GTF3C1: variants seen among roughly 807,000 people sequenced by gnomAD.
The protein encoded by GTF3C1 is general transcription factor 3C polypeptide 1.
GTF3C1 carries 57 observed loss-of-function variants against 226.7 expected under a neutral mutation model. The ratio of observed to expected loss-of-function variants is 0.25; its 90% CI spans 0.20 to 0.31. The LOEUF (loss-of-function observed/expected upper bound fraction) is 0.31, where lower values mean the gene tolerates loss of function less well. Ranked by LOEUF, GTF3C1 falls within the 10% of genes least tolerant of loss-of-function variation. The pLI is 1.00. For missense variants in GTF3C1, 2,217 were observed against 2,776.1 expected (o/e 0.80, Z 4.53); for synonymous variants, 1,090 against 1,084.8 (o/e 1.00, Z -0.09).
chr16:27,504,000 A>G (rs2088447335), intron 10 of GTF3C1, among the ~76,000 whole-genome samples: 1 of 152,230 alleles, frequency 6.6e-6, no homozygotes, highest in South Asian at 2.1e-4. Context: ...CAAAGATTCA[A>G]GAAGAGTCCC....
chr16:27,523,770 C>T (rs1410133463), intron 6 of GTF3C1, among the ~76,000 whole-genome samples: 2 of 152,116 alleles, frequency 1.3e-5, no homozygotes, highest in Non-Finnish European at 2.9e-5. Flanking sequence ...TGGGCTACGG[C>T]GTGCCATGGA....
At position 27,506,023 on chromosome 16, in the gene GTF3C1, C is replaced by G. The variant is rs763915182; in HGVS notation, c.1646G>C (p.Ser549Thr). 6.2e-7 allele frequency: 1 copy of G among 1,613,312 alleles called. No individual in the cohort carries two copies. The highest frequency in any genetic ancestry group is 8.5e-7 in the Non-Finnish European group (1 of 1,179,186). The change falls in exon 10 of 37, where the codon AGC becomes ACC. Residue 549 changes from serine to threonine, a missense_variant. Physicochemically the swap from Ser to Thr is moderately conservative, Grantham distance 58 (BLOSUM62 1). Transcript: ENST00000356183. Reference protein sequence around the residue: ...AEERACQSLASRDSLLDTSSV... With the variant: ...AEERACQSLATRDSLLDTSSV... Reference sequence around the variant, plus strand: ...GCTGGTATCTAAGAGGCTGTCCCTGCTGGCAAGGCTCTGGCAGGCTCTCTC... The same window carrying G: ...GCTGGTATCTAAGAGGCTGTCCCTGGTGGCAAGGCTCTGGCAGGCTCTCTC...
intron 32 of GTF3C1, 171 bp from the exon 33 acceptor site, chr16:27,465,711 C>T (rs957511487): frequency 1.6e-6 from 1 of 609,814 alleles, no homozygotes; most frequent in African/African-American, 1.8e-5. Context: ...CAGTCAGGCT[C>T]CTGATCCGTG....
At chr16:27,480,604 G>C (rs1020730926) in intron 27 of GTF3C1, 1 of 156,848 alleles carries the variant, frequency 6.4e-6, no homozygotes. Flanking sequence ...TGGAGAAAAG[G>C]GATCTACATT....
At position 27,494,936 on chromosome 16, in the gene GTF3C1, G is replaced by C. The variant is rs182315281; in HGVS notation, c.2633-28C>G. On this transcript the variant is annotated intron_variant, in intron 15 of 36. Coordinates refer to ENST00000356183, the MANE Select transcript of GTF3C1 (RefSeq NM_001520.4). ...AGGAAAAAAACGCACGGTTACCCCC[G>C]GCAGCCAGGATACCAGTCACCATGG... 7,529 of 1,603,680 alleles carry C rather than the reference G, an allele frequency of 4.7e-3. 32 individuals carry two copies. The highest frequency in any genetic ancestry group is 5.6e-3 in the Non-Finnish European group (6,605 of 1,172,506).
intron 12 of GTF3C1, among the ~76,000 whole-genome samples, chr16:27,500,046 T>G (rs2088382511): frequency 6.6e-6 from 1 of 152,144 alleles, no homozygotes; most frequent in African/African-American, 2.4e-5. Context: ...GCTGCCCCCA[T>G]CCCTCGCCCA....
intron 15 of GTF3C1, 75 bp downstream of exon 15, chr16:27,495,136 A>T: frequency 8.9e-7 from 1 of 1,126,820 alleles, no homozygotes; most frequent in Middle Eastern, 2.9e-4. Context: ...AAGGAAAAGG[A>T]ACTATCATGT....
At position 27,461,608 on chromosome 16, in the gene GTF3C1, G is replaced by A. The variant is rs751299120; in HGVS notation, c.6118-46C>T. ...GGTTACAGCGGCACTGCCCTCGCCT[G>A]CTTGTTGATTTATTCTTCAAGCATT... On this transcript the variant is annotated intron_variant, in intron 36 of 36. Coordinates refer to ENST00000356183, the MANE Select transcript of GTF3C1 (RefSeq NM_001520.4). The surrounding 1 kb of genome is among the most constrained non-coding windows in gnomAD (Gnocchi z 5.3). The A allele has an allele frequency of 2.9e-6, 4 of 1,387,646 alleles. No homozygotes were observed. The highest frequency in any genetic ancestry group is 4.1e-6 in the Non-Finnish European group (4 of 980,590). The allele number at this position is 1,387,646 out of a possible 1,614,324, so 86.0% of individuals were successfully genotyped here.
At chr16:27,528,817 T>C in intron 5 of GTF3C1, 96 bp from the exon 6 acceptor site, 1 of 1,184,248 alleles carries the variant, frequency 8.4e-7, no homozygotes, top group South Asian at 1.2e-5. Context: ...AGGACCTGAA[T>C]TAATTGATTA....
chr16:27,528,841 AT>A, intron 5 of GTF3C1, 120 bp from the exon 6 acceptor site: 1 of 1,002,962 alleles, frequency 1.0e-6, no homozygotes, highest in Non-Finnish European at 1.5e-6. Flanking sequence ...TGAGGTACTA[AT>A]GAGGAAAGCC....
chr16:27,492,328 C>T lies in GTF3C1; in HGVS notation c.3151+10G>A, dbSNP rs560657456. On this transcript the variant is annotated intron_variant, in intron 19 of 36. Transcript: ENST00000356183. This position sits in a 1 kb window ranked among gnomAD's most constrained non-coding sequence, Gnocchi z 5.0. ...AGCAGCCAGGTTCAGCCGAGACAGCCGACACCCACCTAGTGGGGTGTTGAG... is the reference window on the plus strand; with the variant it reads ...AGCAGCCAGGTTCAGCCGAGACAGCTGACACCCACCTAGTGGGGTGTTGAG... 2.4e-5 allele frequency: 37 copies of T among 1,537,004 alleles called. No homozygotes were observed. The South Asian group carries it at 3.2e-4, about 13-fold the overall frequency.
rs569805549 is a variant in GTF3C1 at position 27,476,482 on chromosome 16, T to C, written c.4322A>G (p.Asp1441Gly). Residue 1441 changes from aspartate to glycine, a missense_variant, in exon 29 of 37, where the codon GAC (aspartate) becomes GGC (glycine). Coordinates refer to ENST00000356183, the MANE Select transcript of GTF3C1 (RefSeq NM_001520.4). ...NLIQSTLALSDSQMKSYQSFQ... is the reference protein window; with the variant it reads ...NLIQSTLALSGSQMKSYQSFQ... ...TGACTGGTAGGACTTCATCTGACTGTCTGAGAGGGCCAGCGTGCTCTGGAT... is the reference window on the plus strand; with the variant it reads ...TGACTGGTAGGACTTCATCTGACTGCCTGAGAGGGCCAGCGTGCTCTGGAT... 1 of 1,613,252 alleles carries C rather than the reference T, an allele frequency of 6.2e-7. No homozygotes were observed. The highest frequency in any genetic ancestry group is 2.2e-5 in the East Asian group (1 of 44,868).
intron 2 of GTF3C1, among the ~76,000 whole-genome samples, chr16:27,544,662 G>GA (rs1304251573): frequency 2.6e-5 from 4 of 152,002 alleles, no homozygotes; most frequent in African/African-American, 7.2e-5. Context: ...TTAGGTGCTT[G>GA]AAAAAAAATG....
intron 25 of GTF3C1, 59 bp downstream of exon 25, chr16:27,484,152 T>G: frequency 7.5e-7 from 1 of 1,327,826 alleles, no homozygotes; most frequent in East Asian, 2.3e-5. Flanking sequence ...CACCAGACTC[T>G]TAAGCAAACG....
In GTF3C1 at chr16:27,470,068, C is replaced by G; in HGVS notation, c.4814+40G>C. The G allele has an allele frequency of 6.5e-7, 1 of 1,547,860 alleles. No homozygotes were observed. ...CCGTCTGTATCTGGCCAATGCCTAG[C>G]ACGTGGCCAGACCTGATGCTGCGGA... On this transcript the variant is annotated intron_variant, in intron 31 of 36. Coordinates refer to ENST00000356183, the MANE Select transcript of GTF3C1 (RefSeq NM_001520.4). The surrounding 1 kb of genome is among the most constrained non-coding windows in gnomAD (Gnocchi z 4.9).
At position 27,492,229 on chromosome 16, in the gene GTF3C1, A is replaced by C. The variant is rs566086963; in HGVS notation, c.3151+109T>G. The C allele has an allele frequency of 2.8e-6, 2 of 704,804 alleles. No homozygotes were observed. The highest frequency in any genetic ancestry group is 5.0e-5 in the East Asian group (2 of 39,928). The allele number at this position is 704,804 out of a possible 1,614,324, so 43.7% of individuals were successfully genotyped here. A position where few individuals can be genotyped will look rare whatever the true frequency, so the allele number is the denominator to read the frequency against. ...CTCTGGGCCTCTGGGGAGCACTCGG[A>C]ACATACCACTGGTTGAGGCAACTCC... On this transcript the variant is annotated intron_variant, in intron 19 of 36. Transcript: ENST00000356183. This position sits in a 1 kb window ranked among gnomAD's most constrained non-coding sequence, Gnocchi z 5.0.
At chr16:27,523,141 A>G (rs771097625) in intron 6 of GTF3C1, among the ~76,000 whole-genome samples, 9 of 152,188 alleles carry the variant, frequency 5.9e-5, no homozygotes, top group South Asian at 2.1e-4. Context: ...TTTCCGACAG[A>G]CTGCTGAGTT....
At chr16:27,480,014 C>CA (rs1203120577) in intron 27 of GTF3C1, among the ~76,000 whole-genome samples, 1 of 151,932 alleles carries the variant, frequency 6.6e-6, no homozygotes, top group Non-Finnish European at 1.5e-5. Context: ...TCCTGGCTAA[C>CA]ACGGTGAAAC....
chr16:27,469,462 C>G lies in GTF3C1; in HGVS notation c.4903G>C (p.Val1635Leu), dbSNP rs780989685. Reference protein sequence around the residue: ...GVGGKRRSMEVKPAQASHTNY... With the variant: ...GVGGKRRSMELKPAQASHTNY... ...GTGTGGGAGGCTTGCGCAGGTTTCA[C>G]CTCCATGCTCCGGCGCTTGCCCCCT... Residue 1635 changes from valine to leucine, a missense_variant, in exon 32 of 37, where the codon GTG becomes CTG. Transcript: ENST00000356183. The surrounding 1 kb of genome is among the most constrained non-coding windows in gnomAD (Gnocchi z 4.5). The G allele has an allele frequency of 1.2e-6, 2 of 1,614,208 alleles. No individual in the cohort carries two copies. The highest frequency in any genetic ancestry group is 1.7e-5 in the Admixed American group (1 of 60,026).
Sources: gnomAD v4.1 joint callset for allele counts (sites outside exome capture counted in the v4.1 genomes callset) on GRCh38, gnomAD v4.1.1 for gene constraint, Gnocchi (gnomAD v3.1) non-coding constraint, MANE v1.5 for transcripts, NCBI Gene and HGNC (gene_info 2026-07-23, HGNC 2026-07-21) for gene names.